The following SLC38A12 variants were observed in gnomAD, a reference collection of about 807,000 sequenced individuals.
SLC38A12 encodes putative sodium-coupled neutral amino acid transporter 12.
At chr17:74,821,617 T>A in the SLC38A12 span, among the ~76,000 whole-genome samples, 1 of 152,202 alleles carries the variant, frequency 6.6e-6, no homozygotes, top group Non-Finnish European at 1.5e-5. Context: ...CCTATTTCTC[T>A]GCTTATATGA....
the SLC38A12 span, among the ~76,000 whole-genome samples, chr17:74,803,220 C>T: frequency 6.6e-6 from 1 of 152,104 alleles, no homozygotes; most frequent in Non-Finnish European, 1.5e-5. Context: ...CTTCAGGAGC[C>T]CTTCTCTTGT....
chr17:74,836,371 C>T, the SLC38A12 span: 7 of 1,612,518 alleles, frequency 4.3e-6, no homozygotes, highest in Non-Finnish European at 4.2e-6. This position sits in a 1 kb window ranked among gnomAD's most constrained non-coding sequence, Gnocchi z 4.2. Context: ...GGCACGTACC[C>T]GTGGGTGGTG....
At chr17:74,809,417 G>A in the SLC38A12 span, among the ~76,000 whole-genome samples, 3 of 152,110 alleles carry the variant, frequency 2.0e-5, no homozygotes, top group South Asian at 2.1e-4. Context: ...CTCAGGAGTC[G>A]TGAGCGGTGC....
At chr17:74,825,007 G>A in the SLC38A12 span, among the ~76,000 whole-genome samples, 6 of 152,260 alleles carry the variant, frequency 3.9e-5, no homozygotes, top group Non-Finnish European at 5.9e-5. Context: ...GTGGGACTGC[G>A]CTGATCCATC....
the SLC38A12 span, among the ~76,000 whole-genome samples, chr17:74,824,227 C>T: frequency 1.3e-5 from 2 of 152,216 alleles, no homozygotes; most frequent in South Asian, 2.1e-4. Context: ...TGCTCCGCCG[C>T]CCCCAGCATC....
At chr17:74,798,876 G>A in the SLC38A12 span, among the ~76,000 whole-genome samples, 2 of 151,750 alleles carry the variant, frequency 1.3e-5, no homozygotes, top group Non-Finnish European at 2.9e-5. Context: ...CTCCGGCTTT[G>A]GTAGGCAACA....
At chr17:74,785,375 C>G in the SLC38A12 span, 1 of 1,484,738 alleles carries the variant, frequency 6.7e-7, no homozygotes, top group Non-Finnish European at 9.1e-7. Flanking sequence ...TACAGTGTGG[C>G]CTTCTGGCCT....
the SLC38A12 span, among the ~76,000 whole-genome samples, chr17:74,821,660 G>T: frequency 6.6e-6 from 1 of 152,346 alleles, no homozygotes; most frequent in South Asian, 2.1e-4. Flanking sequence ...GGCCGAGTGG[G>T]TAAGACCTGG....
the SLC38A12 span, among the ~76,000 whole-genome samples, chr17:74,828,556 C>T: frequency 6.6e-6 from 1 of 152,110 alleles, no homozygotes; most frequent in African/African-American, 2.4e-5. Context: ...TGGGCAGGGC[C>T]CTCTATGGCT....
the SLC38A12 span, among the ~76,000 whole-genome samples, chr17:74,834,899 C>T: frequency 5.0e-3 from 767 of 152,322 alleles, 8 homozygotes; most frequent in African/African-American, 0.017. Context: ...CTGGGTAGCC[C>T]GGAGAGCAGA....
At chr17:74,788,899 A>G in the SLC38A12 span, 2 of 1,602,816 alleles carry the variant, frequency 1.2e-6, no homozygotes, top group African/African-American at 2.7e-5. Flanking sequence ...TCTCCGGGCC[A>G]TGCCTCTGTT....
the SLC38A12 span, chr17:74,790,192 G>T: frequency 6.2e-6 from 10 of 1,611,480 alleles, no homozygotes; most frequent in Non-Finnish European, 8.5e-6. Context: ...CATCCTACTG[G>T]CTCCCAGGAG....
At chr17:74,794,398 C>T in the SLC38A12 span, among the ~76,000 whole-genome samples, 6 of 152,162 alleles carry the variant, frequency 3.9e-5, no homozygotes, top group East Asian at 1.9e-4. Flanking sequence ...GAGTGCTTCC[C>T]GTAAGAAGGA....
the SLC38A12 span, among the ~76,000 whole-genome samples, chr17:74,833,549 T>G: frequency 1.3e-5 from 2 of 152,216 alleles, no homozygotes; most frequent in Non-Finnish European, 2.9e-5. Context: ...CTAGCTGCCT[T>G]TCTTTGGAGA....
At chr17:74,807,100 C>T in the SLC38A12 span, among the ~76,000 whole-genome samples, 1 of 151,894 alleles carries the variant, frequency 6.6e-6, no homozygotes, top group Non-Finnish European at 1.5e-5. Flanking sequence ...CTCTCTCCCC[C>T]AGACACCCCC....
chr17:74,819,762 C>T, the SLC38A12 span: 13 of 1,614,128 alleles, frequency 8.1e-6, no homozygotes, highest in Admixed American at 3.3e-5. Context: ...GATCTTCACT[C>T]TCCTCCTCGG....
At chr17:74,796,387 G>A in the SLC38A12 span, among the ~76,000 whole-genome samples, 63 of 152,316 alleles carry the variant, frequency 4.1e-4, no homozygotes, top group East Asian at 1.9e-3. Context: ...AGTTTGACAC[G>A]TGGCCACTTG....
At chr17:74,795,218 A>G in the SLC38A12 span, 68 of 924,278 alleles carry the variant, frequency 7.4e-5, 1 homozygote, top group South Asian at 4.6e-4. Context: ...AGTTCATTGC[A>G]TCTAGGGAAT....
the SLC38A12 span, chr17:74,795,641 CTG>C: frequency 6.2e-7 from 1 of 1,606,970 alleles, no homozygotes; most frequent in Non-Finnish European, 8.5e-7. Context: ...TGGTGAGTGT[CTG>C]TGCCTCTGTG....
Sources: allele counts gnomAD v4.1 joint callset (sites outside exome capture counted in the v4.1 genomes callset), GRCh38; gene constraint gnomAD v4.1.1; non-coding constraint Gnocchi (gnomAD v3.1); transcripts MANE v1.5; gene names NCBI Gene and HGNC (gene_info 2026-07-23, HGNC 2026-07-21).